MKKS: variants seen among roughly 807,000 people sequenced by gnomAD.
MKKS encodes the protein MKKS centrosomal shuttling protein.
Under a neutral mutation model 33.2 loss-of-function variants are expected in MKKS, and 29 were observed. That is an observed-to-expected ratio of 0.87 (90% CI 0.65 to 1.19). MKKS has a LOEUF of 1.19. Among genes scored for constraint, MKKS ranks in the 50% most tolerant of loss-of-function variants. MKKS has a pLI of 0.00. For synonymous variants in MKKS, 260 were observed against 244.0 expected (o/e 1.07, Z -0.61); for missense variants, 661 against 662.3 (o/e 1.00, Z 0.02).
chr20:10,416,628 T>C (rs946382882), intron 2 of MKKS, among the ~76,000 whole-genome samples: 1 of 152,228 alleles, frequency 6.6e-6, no homozygotes, highest in Non-Finnish European at 1.5e-5. Context: ...GATAAAACAT[T>C]AATCTTGCTT....
At chr20:10,422,419 T>C (rs1351158694) in intron 1 of MKKS, among the ~76,000 whole-genome samples, 3 of 152,156 alleles carry the variant, frequency 2.0e-5, no homozygotes, top group Non-Finnish European at 4.4e-5. Context: ...ATAATTAAAT[T>C]TCATTGTGAA....
Position 10,431,703 on chromosome 20 carries a change from G to A in MKKS, c.-649+2405C>T, listed in dbSNP as rs1216692029. 2.6e-5 allele frequency: 4 copies of A among 152,110 alleles called. No homozygotes were observed. The East Asian group carries it at 5.8e-4, about 22-fold the overall frequency. 9.4% of individuals were successfully genotyped at this position (152,110 alleles called of 1,614,324 possible). On this transcript the variant is annotated intron_variant, in intron 1 of 5. Transcript: ENST00000347364. Reference sequence around the variant, plus strand: ...ACTTACTCCATCTTTAGTTACGGCAGGGAGTCAAGATCTAGAAAAACTAGT... The same window carrying A: ...ACTTACTCCATCTTTAGTTACGGCAAGGAGTCAAGATCTAGAAAAACTAGT...
At chr20:10,424,205 G>A (rs970079630) in intron 1 of MKKS, among the ~76,000 whole-genome samples, 39 of 151,560 alleles carry the variant, frequency 2.6e-4, no homozygotes, top group African/African-American at 9.2e-4. Flanking sequence ...AAATGACATT[G>A]GCATATAATG....
At position 10,403,344 on chromosome 20, in the gene MKKS, A is replaced by G. The variant is rs1028729826; in HGVS notation, c.*1903T>C. 9.2e-5 allele frequency: 14 copies of G among 152,352 alleles called. No individual in the cohort carries two copies. The highest frequency in any genetic ancestry group is 2.9e-4 in the African/African-American group (12 of 41,572). 9.4% of individuals were successfully genotyped at this position (152,352 alleles called of 1,614,324 possible). A position where few individuals can be genotyped will look rare whatever the true frequency, so the allele number is the denominator to read the frequency against. Reference sequence around the variant, plus strand: ...CCAGAGAGTGAACCACCAGGAAGTGAGATTATTGGGAACCATCTTAGAGGC... The same window carrying G: ...CCAGAGAGTGAACCACCAGGAAGTGGGATTATTGGGAACCATCTTAGAGGC... On this transcript the variant is annotated 3_prime_UTR_variant, in exon 6 of 6. Transcript: ENST00000347364.
At chr20:10,423,344 C>T (rs544745755) in intron 1 of MKKS, among the ~76,000 whole-genome samples, 2 of 152,154 alleles carry the variant, frequency 1.3e-5, no homozygotes, top group South Asian at 2.1e-4. Flanking sequence ...TCGCTTGGAC[C>T]TTGGGAGGCT....
intron 1 of MKKS, among the ~76,000 whole-genome samples, chr20:10,430,916 T>C (rs2065049878): frequency 6.6e-6 from 1 of 152,174 alleles, no homozygotes; most frequent in Non-Finnish European, 1.5e-5. Context: ...TGAAACAACG[T>C]TTTACATAAG....
At chr20:10,421,089 G>A (rs564270422) in intron 1 of MKKS, among the ~76,000 whole-genome samples, 1 of 152,036 alleles carries the variant, frequency 6.6e-6, no homozygotes, top group African/African-American at 2.4e-5. Context: ...AATGTTCTCT[G>A]AGCCACAATA....
rs779747206 is a variant in MKKS, at chr20:10,413,180, G to T, written c.335C>A (p.Thr112Lys). 6.2e-7 allele frequency: 1 copy of T among 1,614,202 alleles called. No individual in the cohort carries two copies. Among genetic ancestry groups the T allele is most frequent in the African/African-American group, 1.3e-5 (1 of 75,054 alleles). The change falls in exon 3 of 6, where the codon ACA (threonine) becomes AAA (lysine). Residue 112 changes from threonine to lysine, a missense_variant. By Grantham distance (78) the Thr-to-Lys change is moderately conservative. Transcript: ENST00000347364. ...LIENVQRLGLTPTTVIRLNKH... is the reference protein window; with the variant it reads ...LIENVQRLGLKPTTVIRLNKH... ...ATTTAATCTAATGACAGTGGTGGGT[G>T]TCAAGCCTAATCTCTGAACATTTTC... is the stretch of plus-strand genomic sequence containing the variant.
chr20:10,422,798 G>A (rs947700398), intron 1 of MKKS, among the ~76,000 whole-genome samples: 1 of 150,456 alleles, frequency 6.6e-6, no homozygotes, highest in African/African-American at 2.5e-5. Context: ...TGCAAGCTCC[G>A]CCTCCCAGGT....
At chr20:10,418,599 T>C (rs542432919) in intron 2 of MKKS, among the ~76,000 whole-genome samples, 1 of 152,156 alleles carries the variant, frequency 6.6e-6, no homozygotes, top group East Asian at 1.9e-4. Flanking sequence ...TAACTATTGC[T>C]GCACTGGCAT....
At chr20:10,405,792 T>G in intron 5 of MKKS, 105 bp from the exon 6 acceptor site, 2 of 1,098,884 alleles carry the variant, frequency 1.8e-6, no homozygotes, top group Non-Finnish European at 2.7e-6. Context: ...AAGTAATTAC[T>G]TACTTTCATT....
At chr20:10,407,785 A>G (rs758180507) in intron 4 of MKKS, 59 bp from the exon 5 acceptor site, 43 of 1,292,090 alleles carry the variant, frequency 3.3e-5, no homozygotes, top group African/African-American at 1.5e-5. Context: ...CACACAAAAA[A>G]TCATGCTCTC....
In MKKS at chr20:10,424,790, G is replaced by A. The variant is rs183353324; in HGVS notation, c.-648-4032C>T. On this transcript the variant is annotated intron_variant, in intron 1 of 5. Transcript: ENST00000347364. ...ATTAGAGCAGGGCACGGTGGCTCAT[G>A]CCTGTAATCCCAGCACTTTGGGAGG... Among the ~76,000 whole-genome samples the A allele has an allele frequency of 2.0e-5, 3 of 152,180 alleles. No individual in the cohort carries two copies. The East Asian group carries it at 5.8e-4, about 29-fold the overall frequency.
intron 3 of MKKS, among the ~76,000 whole-genome samples, chr20:10,410,683 A>G (rs956042242): frequency 2.6e-5 from 4 of 152,168 alleles, no homozygotes; most frequent in African/African-American, 9.7e-5. Flanking sequence ...GCACCCATCC[A>G]CAGTAACACC....
rs2064907060 is a variant in MKKS at position 10,413,133 on chromosome 20, T to C, written c.382A>G (p.Ile128Val). Residue 128 changes from isoleucine to valine, a missense_variant, in exon 3 of 6, where the codon ATC (isoleucine) becomes GTC (valine). By Grantham distance (29) the Ile-to-Val change is conservative. Coordinates refer to ENST00000347364, the MANE Select transcript of MKKS (RefSeq NM_170784.3). ...RLNKHLLSLC[I>V]SYLKSETCGC... ...CAGGTCTCAGACTTGAGATAACTGA[T>C]GCAAAGACTCAAAAGATGTTTATTT... 4 of 1,614,122 alleles carry C rather than the reference T, an allele frequency of 2.5e-6. No homozygotes were observed. Among genetic ancestry groups the C allele is most frequent in the East Asian group, 2.2e-5 (1 of 44,886 alleles).
At position 10,404,982 on chromosome 20, in the gene MKKS, T is replaced by G. The variant is rs1409571092; in HGVS notation, c.*265A>C. 1 of 242,536 alleles carries G rather than the reference T, an allele frequency of 4.1e-6. No homozygotes were observed. The highest frequency in any genetic ancestry group is 2.3e-5 in the African/African-American group (1 of 44,156). 15.0% of individuals were successfully genotyped at this position (242,536 alleles called of 1,614,324 possible). On this transcript the variant is annotated 3_prime_UTR_variant, in exon 6 of 6. Coordinates refer to ENST00000347364, the MANE Select transcript of MKKS (RefSeq NM_170784.3). ...AAATGATGCCAACATAACAAAAATT[T>G]AGAACAATGTACAGCAGCCAGTATA... is the stretch of plus-strand genomic sequence containing the variant.
At chr20:10,414,872 T>C (rs2064926062) in intron 2 of MKKS, among the ~76,000 whole-genome samples, 1 of 152,182 alleles carries the variant, frequency 6.6e-6, no homozygotes, top group Non-Finnish European at 1.5e-5. Context: ...TTTTACGTTA[T>C]CAATCAATGA....
At chr20:10,418,805 T>A (rs1227161397) in intron 2 of MKKS, among the ~76,000 whole-genome samples, 1 of 152,138 alleles carries the variant, frequency 6.6e-6, no homozygotes, top group African/African-American at 2.4e-5. Flanking sequence ...ACAATATACA[T>A]ACATAATATA....
At position 10,407,758 on chromosome 20, in the gene MKKS, C is replaced by T. The variant is rs370383395; in HGVS notation, c.1162-32G>A. ...AAAAACCCAAATCATCAGAATCAGA[C>T]GTTCACATCATATTAACACACAAAA... On this transcript the variant is annotated intron_variant, in intron 4 of 5. Coordinates refer to ENST00000347364, the MANE Select transcript of MKKS (RefSeq NM_170784.3). The T allele has an allele frequency of 1.5e-4, 220 of 1,490,402 alleles. 1 individual carries two copies. In the African/African-American group the frequency reaches 2.5e-3, roughly 17 times the overall value. 92.3% of individuals were successfully genotyped at this position (1,490,402 alleles called of 1,614,324 possible).
Sources: allele counts gnomAD v4.1 joint callset (sites outside exome capture counted in the v4.1 genomes callset), GRCh38; gene constraint gnomAD v4.1.1; transcripts MANE v1.5; gene names NCBI Gene and HGNC (gene_info 2026-07-23, HGNC 2026-07-21).